The following PSKH2 variants were observed in gnomAD, a reference collection of about 807,000 sequenced individuals.
PSKH2 encodes the protein serine/threonine-protein kinase H2.
PSKH2 carries 16 observed loss-of-function variants against 22.5 expected under a neutral mutation model. That is an observed-to-expected ratio of 0.71 (90% CI 0.48 to 1.08). The LOEUF is 1.08. Among genes scored for constraint, PSKH2 ranks in the 50% least tolerant of loss-of-function variants. The probability of loss-of-function intolerance (pLI) is 0.00; values close to 1 mark genes in which losing one functional copy is unlikely to be tolerated. For synonymous variants in PSKH2, 188 were observed against 184.8 expected (o/e 1.02, Z -0.14); for missense variants, 516 against 492.8 (o/e 1.05, Z -0.44).
intron 2 of PSKH2, among the ~76,000 whole-genome samples, chr8:86,049,714 GAAAGAAAGAAAGAAAGAAAGAAAGAAAGA>G (rs1817590462): frequency 1.6e-5 from 1 of 62,340 alleles, no homozygotes; most frequent in Non-Finnish European, 3.1e-5. Flanking sequence ...AAGAAAGAAA[GAAAGAAAGAAAGAAAGAAAGAAAGAAAGA>G]AAGAAACGAA....
chr8:86,063,910 G>C (rs1817813551), intron 2 of PSKH2, 55 bp downstream of exon 2: 3 of 1,399,396 alleles, frequency 2.1e-6, no homozygotes, highest in Admixed American at 2.0e-5. Context: ...AAGTGACAAG[G>C]TGGAGAAGCC....
chr8:86,063,543 T>C (rs56917565), intron 2 of PSKH2, among the ~76,000 whole-genome samples: 9,339 of 152,290 alleles, frequency 0.061, 973 homozygotes, highest in African/African-American at 0.21. Context: ...AATCTCTCGC[T>C]AAACACCCAA....
chr8:86,062,812 A>G (rs1002121397), intron 2 of PSKH2, among the ~76,000 whole-genome samples: 1 of 152,208 alleles, frequency 6.6e-6, no homozygotes, highest in African/African-American at 2.4e-5. Context: ...TTTTCAAACT[A>G]CTTTCCAAGA....
chr8:86,069,772 G>T, upstream of PSKH2: 2 of 856,640 alleles, frequency 2.3e-6, no homozygotes, highest in Non-Finnish European at 3.3e-6. Context: ...ACAGCCCCCA[G>T]GATACCCGCT....
intron 2 of PSKH2, among the ~76,000 whole-genome samples, chr8:86,056,829 A>T (rs1315924854): frequency 1.3e-5 from 2 of 152,122 alleles, no homozygotes; most frequent in Non-Finnish European, 2.9e-5. Context: ...AAACTTTTAA[A>T]TGTCCAAAGT....
At chr8:86,062,530 C>T (rs1026366546) in intron 2 of PSKH2, among the ~76,000 whole-genome samples, 5 of 152,126 alleles carry the variant, frequency 3.3e-5, no homozygotes, top group African/African-American at 1.2e-4. Context: ...TGGGCAGTTT[C>T]CCCACGTTGT....
intron 2 of PSKH2, among the ~76,000 whole-genome samples, chr8:86,061,655 G>C (rs537069963): frequency 6.6e-6 from 1 of 152,194 alleles, no homozygotes; most frequent in Non-Finnish European, 1.5e-5. Context: ...TGGAGGAAAA[G>C]AGAGCCAGAG....
intron 2 of PSKH2, among the ~76,000 whole-genome samples, chr8:86,049,745 AG>A (rs1817598421): frequency 1.5e-4 from 4 of 26,802 alleles, no homozygotes; most frequent in African/African-American, 3.1e-4. Flanking sequence ...AAAGAAAGAA[AG>A]AAACGAAAGA....
upstream of PSKH2, chr8:86,069,735 C>A (rs992425889): frequency 3.2e-6 from 4 of 1,254,578 alleles, no homozygotes; most frequent in African/African-American, 3.1e-5. Flanking sequence ...CGGAAAGAAA[C>A]CCCACTGGGG....
chr8:86,051,176 G>A (rs574718989), intron 2 of PSKH2, among the ~76,000 whole-genome samples: 3 of 151,964 alleles, frequency 2.0e-5, no homozygotes, highest in East Asian at 1.9e-4. Context: ...GGCGATTCTC[G>A]TGCCTCACTC....
intron 2 of PSKH2, among the ~76,000 whole-genome samples, chr8:86,049,669 G>C (rs1230401046): frequency 1.5e-5 from 2 of 135,302 alleles, no homozygotes; most frequent in African/African-American, 2.9e-5. Flanking sequence ...GAGAAAGAGT[G>C]AGAAAGAAGA....
In PSKH2 at chr8:86,049,735, AAAGAAAGAAAGAAACGAAAG is replaced by A. The variant is rs1817595791; in HGVS notation, c.853-988_853-969del. On this transcript the variant is annotated intron_variant, in intron 2 of 2. Coordinates refer to ENST00000276616, the MANE Select transcript of PSKH2 (RefSeq NM_033126.3). ...GAAAGAAAGAAAGAAAGAAAGAAAGAAAGAAAGAAAGAAACGAAAGAAAGAAAGAAAGAGAAAAGAAAGAA... is the reference window on the plus strand; with the variant it reads ...GAAAGAAAGAAAGAAAGAAAGAAAGAAAAGAAAGAAAGAGAAAAGAAAGAA... Among the ~76,000 whole-genome samples the A allele has an allele frequency of 8.3e-5, 3 of 36,022 alleles. No homozygotes were observed. In the South Asian group the frequency reaches 3.4e-3, roughly 40 times the overall value. The allele number at this position is 36,022 out of a possible 152,430, so 23.6% of individuals were successfully genotyped here.
chr8:86,059,213 T>C (rs1817745049), intron 2 of PSKH2, among the ~76,000 whole-genome samples: 1 of 152,178 alleles, frequency 6.6e-6, no homozygotes, highest in Non-Finnish European at 1.5e-5. Context: ...AGTTTTGGGA[T>C]TACAGGTGTG....
intron 2 of PSKH2, among the ~76,000 whole-genome samples, chr8:86,058,220 T>C (rs1301152107): frequency 1.3e-5 from 2 of 152,122 alleles, no homozygotes; most frequent in Non-Finnish European, 2.9e-5. Context: ...TTCTCCACCA[T>C]CTGCTGTACC....
At chr8:86,065,411 C>A (rs993789005) in intron 1 of PSKH2, among the ~76,000 whole-genome samples, 4 of 152,176 alleles carry the variant, frequency 2.6e-5, no homozygotes, top group African/African-American at 9.7e-5. Context: ...AGTAGCTTCT[C>A]ACAGTCTCCC....
intron 2 of PSKH2, among the ~76,000 whole-genome samples, chr8:86,061,739 C>G (rs2130163022): frequency 6.6e-6 from 1 of 152,264 alleles, no homozygotes; most frequent in South Asian, 2.1e-4. Context: ...CAGCCATCCG[C>G]ACCAAGATGC....
At chr8:86,064,676 T>G (rs761369320) in intron 1 of PSKH2, 45 bp from the exon 2 acceptor site, 1 of 1,451,018 alleles carries the variant, frequency 6.9e-7, no homozygotes, top group Admixed American at 2.0e-5. Flanking sequence ...GAAGTGATGA[T>G]TCTCAAAATT....
intron 2 of PSKH2, among the ~76,000 whole-genome samples, chr8:86,058,996 G>A (rs1817742034): frequency 6.6e-6 from 1 of 152,032 alleles, no homozygotes; most frequent in African/African-American, 2.4e-5. Flanking sequence ...CTGGAGTGCA[G>A]TGCTGCAATC....
At chr8:86,049,729 AGAAAGAAAGAAAGAAAGAAAC>A (rs1487559131) in intron 2 of PSKH2, among the ~76,000 whole-genome samples, 2,537 of 57,154 alleles carry the variant, frequency 0.044, 192 homozygotes, top group Admixed American at 0.09. Flanking sequence ...AAAGAAAGAA[AGAAAGAAAGAAAGAAAGAAAC>A]GAAAGAAAGA....
Sources: gnomAD v4.1 joint callset for allele counts (sites outside exome capture counted in the v4.1 genomes callset) on GRCh38, gnomAD v4.1.1 for gene constraint, MANE v1.5 for transcripts, NCBI Gene and HGNC (gene_info 2026-07-23, HGNC 2026-07-21) for gene names.